Variants in TMEM132C observed in about 807,000 individuals in gnomAD.
The protein encoded by TMEM132C is protein phosphatase 1, regulatory subunit 152.
A neutral mutation model predicts 61.4 loss-of-function variants in TMEM132C; 29 were observed. That is an observed-to-expected ratio of 0.47 (90% CI 0.35 to 0.64). The LOEUF (loss-of-function observed/expected upper bound fraction) is 0.64, where lower values mean the gene tolerates loss of function less well. TMEM132C is among the 30% of genes least tolerant of loss of function. The probability of loss-of-function intolerance (pLI) is 0.00; values close to 1 mark genes in which losing one functional copy is unlikely to be tolerated. For synonymous variants in TMEM132C, 656 were observed against 633.1 expected (o/e 1.04, Z -0.54); for missense variants, 1,408 against 1,476.9 (o/e 0.95, Z 0.76).
intron 2 of TMEM132C, among the ~76,000 whole-genome samples, chr12:128,529,521 C>A (rs559787871): frequency 1.3e-5 from 2 of 152,148 alleles, no homozygotes; most frequent in African/African-American, 4.8e-5. Context: ...TGGTGGCTTA[C>A]GCTTGTAATC....
intron 2 of TMEM132C, among the ~76,000 whole-genome samples, chr12:128,529,126 TA>T (rs1038893047): frequency 1.3e-5 from 2 of 151,724 alleles, no homozygotes; most frequent in African/African-American, 4.8e-5. Flanking sequence ...TGTTTTAATA[TA>T]AAAATATTTT....
At chr12:128,641,022 G>A (rs1049854970) in intron 4 of TMEM132C, among the ~76,000 whole-genome samples, 1 of 152,144 alleles carries the variant, frequency 6.6e-6, no homozygotes, top group Non-Finnish European at 1.5e-5. Context: ...ATGAGAAAAG[G>A]GCTGAAGAGA....
At chr12:128,350,939 A>G (rs1873318812) in intron 1 of TMEM132C, among the ~76,000 whole-genome samples, 1 of 152,132 alleles carries the variant, frequency 6.6e-6, no homozygotes, top group Non-Finnish European at 1.5e-5. Context: ...GAATATGAAT[A>G]TAATGGCAGG....
At chr12:128,333,169 G>T (rs956908920) in intron 1 of TMEM132C, among the ~76,000 whole-genome samples, 19 of 151,274 alleles carry the variant, frequency 1.3e-4, no homozygotes, top group Admixed American at 1.2e-3. Context: ...TTGTGTGTGT[G>T]TTGTGTGTGG....
At chr12:128,543,348 C>A (rs1467123155) in intron 2 of TMEM132C, among the ~76,000 whole-genome samples, 1 of 152,172 alleles carries the variant, frequency 6.6e-6, no homozygotes, top group East Asian at 1.9e-4. Flanking sequence ...CTCTTTCTTA[C>A]AGAGGAGGGA....
chr12:128,516,748 C>CA (rs1003168214), intron 2 of TMEM132C, among the ~76,000 whole-genome samples: 1 of 151,984 alleles, frequency 6.6e-6, no homozygotes, highest in Non-Finnish European at 1.5e-5. Flanking sequence ...TCCACCTCTA[C>CA]AAAAAAAATT....
At chr12:128,498,910 A>G (rs1193768460) in intron 2 of TMEM132C, among the ~76,000 whole-genome samples, 1 of 152,172 alleles carries the variant, frequency 6.6e-6, no homozygotes, top group African/African-American at 2.4e-5. Flanking sequence ...AGGTTTTGCA[A>G]TTGGCAAACT....
intron 1 of TMEM132C, among the ~76,000 whole-genome samples, chr12:128,389,064 C>G (rs918273926): frequency 1.1e-4 from 17 of 152,154 alleles, no homozygotes; most frequent in African/African-American, 4.1e-4. Context: ...GAGACCCTGG[C>G]GAGATGCAGA....
chr12:128,395,102 G>A lies in TMEM132C; in HGVS notation c.86-19630G>A, dbSNP rs548726537. 3.1e-4 allele frequency among the ~76,000 whole-genome samples: 47 copies of A among 151,110 alleles called. No individual in the cohort carries two copies. In the South Asian group the frequency reaches 7.5e-3, roughly 24 times the overall value. On this transcript the variant is annotated intron_variant, in intron 1 of 8. Coordinates refer to ENST00000435159, the MANE Select transcript of TMEM132C (RefSeq NM_001136103.3). ...ATATAGACATATATACAATCATAGC[G>A]TTGTGTTTCAGTTTCTTGTTATTGT...
chr12:128,388,572 G>A (rs966955015), intron 1 of TMEM132C, among the ~76,000 whole-genome samples: 26 of 152,130 alleles, frequency 1.7e-4, no homozygotes, highest in Admixed American at 8.5e-4. Flanking sequence ...AGAAGGTGTC[G>A]CTGAGTCTGA....
chr12:128,355,661 C>T (rs1259985773), intron 1 of TMEM132C, among the ~76,000 whole-genome samples: 1 of 152,012 alleles, frequency 6.6e-6, no homozygotes, highest in African/African-American at 2.4e-5. Context: ...CCCCCAGGCA[C>T]CTCCCCTGAC....
At chr12:128,602,164 G>A (rs1425272964) in intron 3 of TMEM132C, among the ~76,000 whole-genome samples, 1 of 152,186 alleles carries the variant, frequency 6.6e-6, no homozygotes, top group Admixed American at 6.5e-5. Context: ...AGCCACGATG[G>A]CACCAGTGTG....
At chr12:128,379,253 G>A (rs981499104) in intron 1 of TMEM132C, among the ~76,000 whole-genome samples, 1 of 152,168 alleles carries the variant, frequency 6.6e-6, no homozygotes, top group Non-Finnish European at 1.5e-5. Flanking sequence ...TAGGTTGTTG[G>A]TGAGAAAAAG....
intron 4 of TMEM132C, among the ~76,000 whole-genome samples, chr12:128,623,625 G>A (rs1953988028): frequency 1.3e-5 from 2 of 151,870 alleles, no homozygotes; most frequent in African/African-American, 4.8e-5. Context: ...TGGGCAACAT[G>A]GTGAAACCCC....
At chr12:128,305,668 A>G (rs960147501) in intron 1 of TMEM132C, among the ~76,000 whole-genome samples, 8 of 152,140 alleles carry the variant, frequency 5.3e-5, no homozygotes, top group Non-Finnish European at 1.2e-4. Flanking sequence ...GCTCGTGATT[A>G]AAAATGAGAC....
At position 128,621,459 on chromosome 12, in the gene TMEM132C, C is replaced by A. The variant is rs1484380837; in HGVS notation, c.1305+5124C>A. Reference sequence around the variant, plus strand: ...TGGCAAAGACTGGAGCTTCCGATAGCACCCCGTAGCCAAGGGAAGCAAAGA... The same window carrying A: ...TGGCAAAGACTGGAGCTTCCGATAGAACCCCGTAGCCAAGGGAAGCAAAGA... On this transcript the variant is annotated intron_variant, in intron 4 of 8. Coordinates refer to ENST00000435159, the MANE Select transcript of TMEM132C (RefSeq NM_001136103.3). Among the ~76,000 whole-genome samples the A allele has an allele frequency of 2.6e-5, 4 of 152,194 alleles. No individual in the cohort carries two copies. In the East Asian group the frequency reaches 7.7e-4, roughly 29 times the overall value.
chr12:128,316,186 C>A (rs35161921), intron 1 of TMEM132C, among the ~76,000 whole-genome samples: 62,334 of 151,848 alleles, frequency 0.41, 13,260 homozygotes, highest in Middle Eastern at 0.45. Context: ...CATATTACCA[C>A]GCTTTGTCAC....
intron 1 of TMEM132C, among the ~76,000 whole-genome samples, chr12:128,351,221 GA>G (rs1265426257): frequency 5.3e-5 from 8 of 152,096 alleles, no homozygotes; most frequent in African/African-American, 1.9e-4. Flanking sequence ...GGAGTGATAT[GA>G]CCTGGTTCAT....
chr12:128,597,207 C>T (rs1319855303), intron 3 of TMEM132C, among the ~76,000 whole-genome samples: 3 of 152,136 alleles, frequency 2.0e-5, no homozygotes, highest in Admixed American at 1.3e-4. Context: ...GGGACATGCA[C>T]AGTGGGTCAC....
Sources: allele counts gnomAD v4.1 joint callset (sites outside exome capture counted in the v4.1 genomes callset), GRCh38; gene constraint gnomAD v4.1.1; transcripts MANE v1.5; gene names NCBI Gene and HGNC (gene_info 2026-07-23, HGNC 2026-07-21).